The following HEATR5A variants were observed in gnomAD, a reference collection of about 807,000 sequenced individuals.
HEATR5A encodes the protein HEAT repeat-containing protein 5A.
HEATR5A carries 178 observed loss-of-function variants against 218.8 expected under a neutral mutation model. The observed-to-expected ratio is 0.81, with a 90% CI of 0.72 to 0.92. HEATR5A has a LOEUF of 0.92. Ranked by LOEUF, HEATR5A falls within the 40% of genes least tolerant of loss-of-function variation. HEATR5A has a pLI of 0.00. For synonymous variants in HEATR5A, 864 were observed against 871.6 expected, an observed-to-expected ratio of 0.99 and a Z score of 0.15; for missense variants, 2,420 against 2,418.9, an observed-to-expected ratio of 1.00 and a Z score of -0.01.
In HEATR5A at chr14:31,293,319, T is replaced by C; in HGVS notation, c.6127A>G (p.Thr2043Ala). ...PGKNSSIQLK[T>A]SFL ...CAAAAAAAAAATCAGAGGAAACTGG[T>C]CTTTAATTGGATGCTTGAGTTTTTT... is the stretch of plus-strand genomic sequence containing the variant. Residue 2043 changes from threonine to alanine, a missense_variant, in exon 36 of 36, where the codon ACC becomes GCC. Thr to Ala is a moderately conservative substitution (Grantham distance 58). Transcript: ENST00000543095. The C allele has an allele frequency of 6.3e-7, 1 of 1,587,822 alleles. No homozygotes were observed. The highest frequency in any genetic ancestry group is 8.5e-7 in the Non-Finnish European group (1 of 1,171,596).
At chr14:31,327,583 G>A (rs1178314232) in intron 22 of HEATR5A, among the ~76,000 whole-genome samples, 3 of 152,060 alleles carry the variant, frequency 2.0e-5, no homozygotes, top group Admixed American at 1.3e-4. Context: ...GAGCCACCAC[G>A]CCTGGCCCAG....
rs914174057 is a variant in HEATR5A, at chr14:31,394,344, T to C, written c.598-118A>G. On this transcript the variant is annotated intron_variant, in intron 5 of 35. Coordinates refer to ENST00000543095, the MANE Select transcript of HEATR5A (RefSeq NM_015473.4). ...AAATAATATACAAATTCAAAGTATC[T>C]ATTATGATTACAGGAATAATAAATG... 5 of 520,854 alleles carry C rather than the reference T, an allele frequency of 9.6e-6. No individual in the cohort carries two copies. In the Admixed American group the frequency reaches 1.2e-4, roughly 12 times the overall value. The allele number at this position is 520,854 out of a possible 1,614,324, so 32.3% of individuals were successfully genotyped here. A position where few individuals can be genotyped will look rare whatever the true frequency, so the allele number is the denominator to read the frequency against.
At chr14:31,339,765 T>A (rs1900784866) in intron 21 of HEATR5A, among the ~76,000 whole-genome samples, 1 of 152,296 alleles carries the variant, frequency 6.6e-6, no homozygotes, top group South Asian at 2.1e-4. Context: ...TTAGAAACTA[T>A]ATTGTTAGCA....
chr14:31,388,042 A>G (rs1324125031), intron 7 of HEATR5A, among the ~76,000 whole-genome samples: 1 of 152,224 alleles, frequency 6.6e-6, no homozygotes, highest in African/African-American at 2.4e-5. Flanking sequence ...TTAAACATAC[A>G]AACACATTAT....
At chr14:31,309,791 C>T in intron 28 of HEATR5A, among the ~76,000 whole-genome samples, 1 of 151,878 alleles carries the variant, frequency 6.6e-6, no homozygotes, top group Admixed American at 6.6e-5. Context: ...CAACCTCTGA[C>T]TTCTGGGTTC....
chr14:31,380,617 A>T, intron 10 of HEATR5A, 39 bp from the exon 11 acceptor site: 1 of 1,312,812 alleles, frequency 7.6e-7, no homozygotes, highest in Non-Finnish European at 1.1e-6. Flanking sequence ...AAAGCATATC[A>T]GTTTATAAAT....
chr14:31,389,076 A>G, intron 6 of HEATR5A, 71 bp from the exon 7 acceptor site: 3 of 1,346,156 alleles, frequency 2.2e-6, no homozygotes, highest in Non-Finnish European at 3.0e-6. Context: ...TGATTTGCAA[A>G]AAGCATGTTA....
At position 31,302,562 on chromosome 14, in the gene HEATR5A, T is replaced by C. The variant is rs571425577; in HGVS notation, c.5240-43A>G. On this transcript the variant is annotated intron_variant, in intron 32 of 35. Transcript: ENST00000543095. ...TAAAAACACACTGGATTTCAACCTA[T>C]ATATATGGTTTCTAAAAAGAAATCA... 9.4e-6 allele frequency: 12 copies of C among 1,274,606 alleles called. No individual in the cohort carries two copies. In the African/African-American group the frequency reaches 1.8e-4, roughly 19 times the overall value. 79.0% of individuals were successfully genotyped at this position (1,274,606 alleles called of 1,614,324 possible). A position where few individuals can be genotyped will look rare whatever the true frequency, so the allele number is the denominator to read the frequency against.
intron 23 of HEATR5A, among the ~76,000 whole-genome samples, chr14:31,324,298 C>T (rs1033517226): frequency 6.6e-6 from 1 of 152,080 alleles, no homozygotes; most frequent in African/African-American, 2.4e-5. Flanking sequence ...CTCATTGCTA[C>T]CATTACAGTA....
At chr14:31,332,815 G>A (rs946686101) in intron 22 of HEATR5A, among the ~76,000 whole-genome samples, 4 of 151,844 alleles carry the variant, frequency 2.6e-5, no homozygotes, top group Admixed American at 6.6e-5. Flanking sequence ...ATGAAACCCC[G>A]TCTCTGCCAA....
rs532557845 is a variant in HEATR5A, at chr14:31,387,298, T to C, written c.1011A>G (p.Leu337=). 10 of 1,613,988 alleles carry C rather than the reference T, an allele frequency of 6.2e-6. No homozygotes were observed. The South Asian group carries it at 1.1e-4, about 18-fold the overall frequency. The stretch of plus-strand genomic sequence containing the variant: ...TAGGGTGTGACGGTGACGCAAGGCT[T>C]AGGATATGAGAAAAAAAGGCAGCAA... The part of the protein sequence containing the change: ...KNFAAFFSHI[L]SLASPSHPKA... The change falls in exon 8 of 36, where the codon CTA becomes CTG. Residue 337 remains leucine, a synonymous_variant. Transcript: ENST00000543095.
At chr14:31,296,174 A>T in intron 33 of HEATR5A, 111 bp from the exon 34 acceptor site, 1 of 733,668 alleles carries the variant, frequency 1.4e-6, no homozygotes, top group Non-Finnish European at 2.2e-6. Context: ...AGATACACAC[A>T]ATGAACGCTG....
chr14:31,316,411 C>T (rs1287649650), intron 26 of HEATR5A, among the ~76,000 whole-genome samples: 1 of 152,026 alleles, frequency 6.6e-6, no homozygotes, highest in Non-Finnish European at 1.5e-5. Context: ...CTATTGCTTT[C>T]GAGAAATCCT....
At chr14:31,330,525 A>C (rs1278380293) in intron 22 of HEATR5A, among the ~76,000 whole-genome samples, 2 of 152,086 alleles carry the variant, frequency 1.3e-5, no homozygotes, top group Non-Finnish European at 2.9e-5. Context: ...CCGGTAGCTC[A>C]CACCTGTAAT....
At chr14:31,299,311 CCT>C (rs761738875) in intron 33 of HEATR5A, among the ~76,000 whole-genome samples, 14 of 152,198 alleles carry the variant, frequency 9.2e-5, no homozygotes, top group African/African-American at 2.4e-5. Context: ...TCATTTTAAT[CCT>C]TTTTGTCCAT....
At chr14:31,322,361 G>A (rs1829136221) in intron 24 of HEATR5A, among the ~76,000 whole-genome samples, 1 of 152,154 alleles carries the variant, frequency 6.6e-6, no homozygotes, top group Non-Finnish European at 1.5e-5. Context: ...TGTAAATTTT[G>A]TAACTGTAAA....
At chr14:31,394,858 T>A (rs574558089) in intron 5 of HEATR5A, among the ~76,000 whole-genome samples, 1 of 152,212 alleles carries the variant, frequency 6.6e-6, no homozygotes, top group East Asian at 1.9e-4. Context: ...ACCAACTATG[T>A]TAAGAAGCTA....
At chr14:31,317,227 A>G (rs984823614) in intron 26 of HEATR5A, among the ~76,000 whole-genome samples, 5 of 151,244 alleles carry the variant, frequency 3.3e-5, no homozygotes, top group Non-Finnish European at 5.9e-5. Context: ...AGTTTTTCCC[A>G]CTATGCTTAT....
intron 22 of HEATR5A, 148 bp from the exon 23 acceptor site, chr14:31,326,490 C>T: frequency 1.6e-6 from 1 of 618,666 alleles, no homozygotes; most frequent in Non-Finnish European, 2.8e-6. Flanking sequence ...TACTGAGATC[C>T]ATTTTAGTTC....
Sources: gnomAD v4.1 joint callset for allele counts (sites outside exome capture counted in the v4.1 genomes callset) on GRCh38, gnomAD v4.1.1 for gene constraint, MANE v1.5 for transcripts, NCBI Gene and HGNC (gene_info 2026-07-23, HGNC 2026-07-21) for gene names.